The following SEPTIN3 variants were observed in gnomAD, a reference collection of about 807,000 sequenced individuals.
SEPTIN3 encodes neuronal-specific septin-3.
SEPTIN3 carries 15 observed loss-of-function variants against 45.1 expected under a neutral mutation model. The observed-to-expected ratio is 0.33, with a 90% CI of 0.22 to 0.51. SEPTIN3 has a LOEUF of 0.51. SEPTIN3 is among the 20% of genes least tolerant of loss of function. The probability of loss-of-function intolerance (pLI) is 0.97; values close to 1 mark genes in which losing one functional copy is unlikely to be tolerated. For missense variants in SEPTIN3, 289 were observed against 457.2 expected (o/e 0.63, Z 3.35); for synonymous variants, 148 against 164.8 (o/e 0.90, Z 0.78).
chr22:41,978,450 C>A (rs2078065654), intron 2 of SEPTIN3, among the ~76,000 whole-genome samples: 1 of 152,188 alleles, frequency 6.6e-6, no homozygotes, highest in Non-Finnish European at 1.5e-5. Flanking sequence ...TAGGTTCTAT[C>A]CCCAGTTGTC....
intron 2 of SEPTIN3, chr22:41,977,029 G>A: frequency 6.3e-7 from 1 of 1,591,192 alleles, no homozygotes; most frequent in Non-Finnish European, 8.5e-7. Flanking sequence ...CGCGCCCGGA[G>A]CATCTCCCTG....
rs1376742501 is a variant in SEPTIN3, at chr22:41,988,995, G to A, written c.2046-572G>A. On this transcript the variant is annotated intron_variant, in intron 6 of 11. Transcript: ENST00000644076. ...TTAAAAATTAGCCAGACATGGTAGT[G>A]CGCAACTGTGGTCCCAGCTCCTCTG... 2.6e-5 allele frequency among the ~76,000 whole-genome samples: 4 copies of A among 152,012 alleles called. No homozygotes were observed. The South Asian group carries it at 8.3e-4, about 32-fold the overall frequency.
At position 41,976,956 on chromosome 22, in the gene SEPTIN3, G is replaced by GAGGCCCGTTTGCAGGGGCC; in HGVS notation, c.1504+3961_1504+3979dup. On this transcript the variant is annotated intron_variant, in intron 2 of 11. Transcript: ENST00000644076. This position sits in a 1 kb window ranked among gnomAD's most constrained non-coding sequence, Gnocchi z 5.8. ...GGGTGGGAGGAGAGCGCGAAGGGGCGAGGCCCGTTTGCAGGGGCCGCTCGG... is the reference window on the plus strand; with the variant it reads ...GGGTGGGAGGAGAGCGCGAAGGGGCGAGGCCCGTTTGCAGGGGCCAGGCCCGTTTGCAGGGGCCGCTCGG... 1 of 1,103,904 alleles carries GAGGCCCGTTTGCAGGGGCC rather than the reference G, an allele frequency of 9.1e-7. No homozygotes were observed. The highest frequency in any genetic ancestry group is 1.6e-5 in the South Asian group (1 of 61,744). The allele number at this position is 1,103,904 out of a possible 1,614,324, so 68.4% of individuals were successfully genotyped here. A position where few individuals can be genotyped will look rare whatever the true frequency, so the allele number is the denominator to read the frequency against.
At chr22:41,986,197 T>C in intron 4 of SEPTIN3, 85 bp downstream of exon 4, 1 of 1,516,310 alleles carries the variant, frequency 6.6e-7, no homozygotes, top group Non-Finnish European at 8.9e-7. Context: ...TATTGAAGAA[T>C]AAGATCAATA....
At chr22:41,995,963 A>C in intron 11 of SEPTIN3, 1 of 985,046 alleles carries the variant, frequency 1.0e-6, no homozygotes. Context: ...TTCAAAGACA[A>C]ATTTTTGACC....
chr22:41,996,140 C>G (rs1411660432), intron 11 of SEPTIN3: 19 of 985,148 alleles, frequency 1.9e-5, no homozygotes, highest in Non-Finnish European at 2.2e-5. Flanking sequence ...ATTCCCTCTC[C>G]TCCTGACTCC....
chr22:41,984,972 C>T (rs2078181670), intron 3 of SEPTIN3, among the ~76,000 whole-genome samples: 1 of 151,726 alleles, frequency 6.6e-6, no homozygotes, highest in Non-Finnish European at 1.5e-5. Context: ...CCTGCCTCAG[C>T]CTCCTGAGTA....
chr22:41,993,686 G>A (rs1009899236), intron 9 of SEPTIN3, among the ~76,000 whole-genome samples: 19 of 151,936 alleles, frequency 1.3e-4, no homozygotes, highest in African/African-American at 4.4e-4. Context: ...AGAGGTGGGG[G>A]TCTCACTGTG....
At chr22:41,980,941 T>C (rs1210112204) in intron 2 of SEPTIN3, among the ~76,000 whole-genome samples, 3 of 152,014 alleles carry the variant, frequency 2.0e-5, no homozygotes, top group Non-Finnish European at 1.5e-5. Context: ...TACTCTGCAG[T>C]GGTGCTCATG....
intron 1 of SEPTIN3, 78 bp from the exon 2 acceptor site, chr22:41,971,396 C>A (rs1399315186): frequency 5.0e-6 from 2 of 398,200 alleles, no homozygotes; most frequent in Non-Finnish European, 4.4e-6. Context: ...AGCTGCTGGT[C>A]AGGAAGGGGA....
chr22:41,992,522 T>C (rs909561755), intron 8 of SEPTIN3, 142 bp from the exon 9 acceptor site: 1 of 589,940 alleles, frequency 1.7e-6, no homozygotes, highest in Admixed American at 3.2e-5. Context: ...GCCTTGCCCT[T>C]GCCATCAGTA....
Position 41,991,556 on chromosome 22 carries a change from C to G in SEPTIN3, c.2164-17C>G. ...ACCCTGACACTTGACTACCTTGTTTCTTCTCCTCGCCTCTAGGTTCGCAAG... is the reference window on the plus strand; with the variant it reads ...ACCCTGACACTTGACTACCTTGTTTGTTCTCCTCGCCTCTAGGTTCGCAAG... On this transcript the variant is annotated splice_polypyrimidine_tract_variant and intron_variant, in intron 7 of 11. Transcript: ENST00000644076. The G allele has an allele frequency of 3.8e-6, 6 of 1,583,526 alleles. No individual in the cohort carries two copies. The highest frequency in any genetic ancestry group is 4.3e-6 in the Non-Finnish European group (5 of 1,152,192).
intron 5 of SEPTIN3, 91 bp from the exon 6 acceptor site, chr22:41,987,531 T>A: frequency 1.4e-6 from 2 of 1,455,584 alleles, no homozygotes; most frequent in Admixed American, 3.7e-5. Context: ...GGGAATGACA[T>A]GAATGTAAGG....
Position 41,994,561 on chromosome 22 carries a change from C to T in SEPTIN3, c.2412-60C>T. On this transcript the variant is annotated intron_variant, in intron 10 of 11. Coordinates refer to ENST00000644076, the MANE Select transcript of SEPTIN3 (RefSeq NM_001363845.2). This position sits in a 1 kb window ranked among gnomAD's most constrained non-coding sequence, Gnocchi z 4.2. ...TCCAGTCCCTCGAAGTGATGTGTGT[C>T]ACCGCCTCCTCTTCCTGCCCCTAAT... The T allele has an allele frequency of 6.2e-7, 1 of 1,609,336 alleles. No homozygotes were observed. Among genetic ancestry groups the T allele is most frequent in the Non-Finnish European group, 8.5e-7 (1 of 1,177,772 alleles).
rs1327096011 is a variant in SEPTIN3 at position 41,987,623 on chromosome 22, T to G, written c.1909T>G (p.Trp637Gly). The change falls in exon 6 of 12, where the codon TGG (tryptophan) becomes GGG (glycine). Residue 637 changes from tryptophan (W) to glycine (G), a missense_variant and splice_region_variant. Trp to Gly is a radical substitution (Grantham distance 184). This residue lies in a region of SEPTIN3 where 200 missense variants were observed against 315.1 expected (regional missense o/e 0.63). Transcript: ENST00000644076. ...FGDQINNENC[W>G]EPIEKYINEQ... Reference sequence around the variant, plus strand: ...CTATCTACTTTCCCTCCCCATCAGCTGGGAGCCCATTGAGAAGTACATCAA... The same window carrying G: ...CTATCTACTTTCCCTCCCCATCAGCGGGGAGCCCATTGAGAAGTACATCAA... 1.2e-6 allele frequency: 2 copies of G among 1,608,726 alleles called. No homozygotes were observed. The highest frequency in any genetic ancestry group is 1.7e-6 in the Non-Finnish European group (2 of 1,175,544).
At chr22:41,977,098 G>A (rs373792980) in intron 2 of SEPTIN3, 48 of 1,587,882 alleles carry the variant, frequency 3.0e-5, no homozygotes, top group Middle Eastern at 3.4e-4. Context: ...CCAGGCCACC[G>A]GCACCCGCCA....
chr22:41,995,691 C>G (rs532475477), intron 11 of SEPTIN3: 47 of 985,422 alleles, frequency 4.8e-5, no homozygotes, highest in East Asian at 3.4e-4. Flanking sequence ...ACAGTACAAA[C>G]AGATTGCCAG....
At position 41,971,955 on chromosome 22, in the gene SEPTIN3, G is replaced by A. The variant is rs1049473270; in HGVS notation, c.463G>A (p.Val155Met). ...GGTGTCCTCGCCAGGCTCGCCACCT[G>A]TGACCCTAGTGCCAGGGGGCAGGGT... ...GRVSSPGSPP[V>M]TLVPGGRVHS... The change falls in exon 2 of 12, where the codon GTG (valine) becomes ATG (methionine). Residue 155 changes from valine (V) to methionine (M), a missense_variant. Val to Met is a conservative substitution (Grantham distance 21). Transcript: ENST00000644076. The A allele has an allele frequency of 5.0e-6, 2 of 398,980 alleles. No homozygotes were observed. Among genetic ancestry groups the A allele is most frequent in the African/African-American group, 2.1e-5 (1 of 48,626 alleles). 24.7% of individuals were successfully genotyped at this position (398,980 alleles called of 1,614,324 possible).
At chr22:41,989,205 A>G (rs1448609062) in intron 6 of SEPTIN3, among the ~76,000 whole-genome samples, 1 of 151,430 alleles carries the variant, frequency 6.6e-6, no homozygotes, top group Non-Finnish European at 1.5e-5. Context: ...TTTTTGAGAC[A>G]GACAAAAAAG....
Sources: allele counts gnomAD v4.1 joint callset (sites outside exome capture counted in the v4.1 genomes callset), GRCh38; gene constraint gnomAD v4.1.1; regional missense constraint gnomAD v4.1.1; non-coding constraint Gnocchi (gnomAD v3.1); transcripts MANE v1.5; gene names NCBI Gene and HGNC (gene_info 2026-07-23, HGNC 2026-07-21).